The following HIGD2B variants were observed in gnomAD, a reference collection of about 807,000 sequenced individuals.
HIGD2B encodes the protein HIG1 hypoxia inducible domain family member 2B.
For synonymous variants in HIGD2B, 45 were observed against 28.1 expected (o/e 1.60, Z -1.90); for missense variants, 106 against 67.0 (o/e 1.58, Z -2.03).
At chr15:72,678,883 G>C (rs2064719342) in intron 2 of HIGD2B, among the ~76,000 whole-genome samples, 1 of 152,016 alleles carries the variant, frequency 6.6e-6, no homozygotes. Flanking sequence ...TGTAGTCCCA[G>C]CTACTCAGGA....
intron 1 of HIGD2B, among the ~76,000 whole-genome samples, chr15:72,681,157 T>C (rs901760804): frequency 1.3e-5 from 2 of 152,112 alleles, no homozygotes; most frequent in Non-Finnish European, 2.9e-5. Context: ...GGACCAGTAG[T>C]CTCCGTGGCC....
At chr15:72,680,529 A>C (rs1439505423) in intron 1 of HIGD2B, among the ~76,000 whole-genome samples, 4 of 152,210 alleles carry the variant, frequency 2.6e-5, no homozygotes, top group African/African-American at 7.2e-5. Context: ...CAATAAATAT[A>C]ATCTGATATG....
At chr15:72,682,885 G>C (rs1156864400) in intron 1 of HIGD2B, 1 of 245,468 alleles carries the variant, frequency 4.1e-6, no homozygotes, top group East Asian at 1.1e-4. Flanking sequence ...CTTGAGGAAA[G>C]GTTTGGAATT....
At chr15:72,682,087 G>A (rs1414595763) in intron 1 of HIGD2B, among the ~76,000 whole-genome samples, 10 of 152,142 alleles carry the variant, frequency 6.6e-5, no homozygotes, top group Non-Finnish European at 5.9e-5. Context: ...CAAACTAAAT[G>A]TGTAGTAAAT....
chr15:72,681,433 T>G lies in HIGD2B; in HGVS notation c.-192-1240A>C, dbSNP rs115899749. The stretch of plus-strand genomic sequence containing the variant: ...AAGACAACCGCACAGCTAAACATAA[T>G]TAAAACTTAGGTTTTATGATATTTG... On this transcript the variant is annotated intron_variant, in intron 1 of 2. Coordinates refer to ENST00000311755, the MANE Select transcript of HIGD2B (RefSeq NM_001350932.3). Among the ~76,000 whole-genome samples the G allele has an allele frequency of 3.8e-3, 573 of 152,220 alleles. 1 individual carries two copies. Among genetic ancestry groups the G allele is most frequent in the African/African-American group, 0.013 (555 of 41,524 alleles).
intron 2 of HIGD2B, among the ~76,000 whole-genome samples, chr15:72,677,363 T>C (rs1191454451): frequency 3.3e-5 from 5 of 150,676 alleles, no homozygotes; most frequent in African/African-American, 4.9e-5. Flanking sequence ...GAGGCGGAGG[T>C]TGCAGTGAGC....
Position 72,676,232 on chromosome 15 carries a change from A to T in HIGD2B, c.143T>A (p.Val48Glu), listed in dbSNP as rs1183162026. 1.3e-6 allele frequency: 1 copy of T among 767,086 alleles called. No individual in the cohort carries two copies. Among genetic ancestry groups the T allele is most frequent in the South Asian group, 1.3e-5 (1 of 74,216 alleles). 47.5% of individuals were successfully genotyped at this position (767,086 alleles called of 1,614,324 possible). A position where few individuals can be genotyped will look rare whatever the true frequency, so the allele number is the denominator to read the frequency against. The change falls in exon 3 of 3, where the codon GTG becomes GAG. Residue 48 changes from valine (V) to glutamate (E), a missense_variant. By Grantham distance (121) the Val-to-Glu change is moderately radical. Transcript: ENST00000311755. ...KFLRKTRENP[V>E]VPIGFLCTAA... ...CGTGCACAGGAAACCTATGGGTACC[A>T]CCGGATTCTCGCGGGTCTTGCGAAG...
At chr15:72,679,557 G>C (rs2064727723) in intron 2 of HIGD2B, among the ~76,000 whole-genome samples, 1 of 152,054 alleles carries the variant, frequency 6.6e-6, no homozygotes, top group East Asian at 1.9e-4. Context: ...AAATTCCTAA[G>C]AGGCAACTCT....
chr15:72,683,497 G>T, intron 1 of HIGD2B, among the ~76,000 whole-genome samples: 1 of 141,978 alleles, frequency 7.0e-6, no homozygotes, highest in South Asian at 2.2e-4. Context: ...CCAGTGTTGC[G>T]TAGTAACCCC....
rs1286745334 is a variant in HIGD2B, at chr15:72,684,799, T to G, written c.-193+1019A>C. Reference sequence around the variant, plus strand: ...CCACCGAGCCCAGCAAATTTTTGTTTTTTAGACGGAGTCTCCCTCTATCGC... The same window carrying G: ...CCACCGAGCCCAGCAAATTTTTGTTGTTTAGACGGAGTCTCCCTCTATCGC... On this transcript the variant is annotated intron_variant, in intron 1 of 2. Transcript: ENST00000311755. Among the ~76,000 whole-genome samples, 3 of 151,838 alleles carry G rather than the reference T, an allele frequency of 2.0e-5. No homozygotes were observed. The East Asian group carries it at 5.8e-4, about 29-fold the overall frequency.
intron 2 of HIGD2B, among the ~76,000 whole-genome samples, chr15:72,679,379 AGAG>A (rs1414250724): frequency 7.5e-5 from 8 of 107,244 alleles, no homozygotes; most frequent in Non-Finnish European, 1.5e-4. Context: ...AAAAAAAAAA[AGAG>A]AGAGAGAGAA....
At chr15:72,677,336 G>T (rs192498309) in intron 2 of HIGD2B, among the ~76,000 whole-genome samples, 1 of 152,296 alleles carries the variant, frequency 6.6e-6, no homozygotes, top group African/African-American at 2.4e-5. Context: ...TGAGGCAGGA[G>T]AATCGCTTGA....
At chr15:72,676,472 T>C in intron 2 of HIGD2B, 85 bp from the exon 3 acceptor site, 1 of 606,300 alleles carries the variant, frequency 1.6e-6, no homozygotes, top group Non-Finnish European at 2.9e-6. Context: ...TGGTGCAACC[T>C]TGGCTCACTG....
chr15:72,686,114 G>A lies in HIGD2B; in HGVS notation c.-489C>T, dbSNP rs1268572480. 1.8e-6 allele frequency: 2 copies of A among 1,137,894 alleles called. No individual in the cohort carries two copies. The highest frequency in any genetic ancestry group is 5.1e-5 in the East Asian group (2 of 38,954). 70.5% of individuals were successfully genotyped at this position (1,137,894 alleles called of 1,614,324 possible). A position where few individuals can be genotyped will look rare whatever the true frequency, so the allele number is the denominator to read the frequency against. On this transcript the variant is annotated 5_prime_UTR_variant, in exon 1 of 3. Coordinates refer to ENST00000311755, the MANE Select transcript of HIGD2B (RefSeq NM_001350932.3). ...CCCCTGATTCCTTAGGTCACTCGGC[G>A]ATTTACTTCCTTCCCCCGCTTCCTC...
intron 1 of HIGD2B, 128 bp downstream of exon 1, chr15:72,685,688 CAA>C (rs2064814081): frequency 5.5e-6 from 1 of 180,452 alleles, no homozygotes; most frequent in Non-Finnish European, 1.2e-5. Context: ...TATTTCCAAT[CAA>C]AAGACTGCCG....
At position 72,676,320 on chromosome 15, in the gene HIGD2B, G is replaced by A. The variant is rs1334744227; in HGVS notation, c.55C>T (p.Pro19Ser). Residue 19 changes from proline (P) to serine (S), a missense_variant, in exon 3 of 3, where the codon CCC becomes TCC. Coordinates refer to ENST00000311755, the MANE Select transcript of HIGD2B (RefSeq NM_001350932.3). ...PEAPFESSKPPIFEGLSPTVY... is the reference protein window; with the variant it reads ...PEAPFESSKPSIFEGLSPTVY... ...GTGGGGCTAAGCCCCTCAAAGATGGGGGGCTTCGATGATTCAAAGGGGGCC... is the reference window on the plus strand; with the variant it reads ...GTGGGGCTAAGCCCCTCAAAGATGGAGGGCTTCGATGATTCAAAGGGGGCC... 1 of 761,478 alleles carries A rather than the reference G, an allele frequency of 1.3e-6. No homozygotes were observed. Among genetic ancestry groups the A allele is most frequent in the Admixed American group, 1.7e-5 (1 of 57,996 alleles). 47.2% of individuals were successfully genotyped at this position (761,478 alleles called of 1,614,324 possible).
chr15:72,679,060 GA>G (rs927157696), intron 2 of HIGD2B, among the ~76,000 whole-genome samples: 22 of 142,792 alleles, frequency 1.5e-4, no homozygotes, highest in South Asian at 4.5e-4. Flanking sequence ...AAAGAAAAAA[GA>G]AAAAAAAAAG....
chr15:72,684,102 G>C (rs2064778000), intron 1 of HIGD2B, among the ~76,000 whole-genome samples: 1 of 151,932 alleles, frequency 6.6e-6, no homozygotes, highest in Non-Finnish European at 1.5e-5. Context: ...CAGGTTCTTG[G>C]TGTCTTGAAA....
chr15:72,685,493 C>T (rs1308949535), intron 1 of HIGD2B, among the ~76,000 whole-genome samples: 2 of 152,132 alleles, frequency 1.3e-5, no homozygotes, highest in Non-Finnish European at 2.9e-5. Context: ...TTTAGAAACA[C>T]TAAACATTTA....
Sources: gnomAD v4.1 joint callset for allele counts (sites outside exome capture counted in the v4.1 genomes callset) on GRCh38, gnomAD v4.1.1 for gene constraint, MANE v1.5 for transcripts, NCBI Gene and HGNC (gene_info 2026-07-23, HGNC 2026-07-21) for gene names.